THADA: variants seen among roughly 807,000 people sequenced by gnomAD.
The protein encoded by THADA is THADA armadillo repeat containing.
A neutral mutation model predicts 219.8 loss-of-function variants in THADA; 213 were observed. That is an observed-to-expected ratio of 0.97 (90% CI 0.87 to 1.09). The LOEUF (loss-of-function observed/expected upper bound fraction) is 1.09. THADA is among the 50% of genes least tolerant of loss of function. The probability of loss-of-function intolerance (pLI) is 0.00; values close to 1 mark genes in which losing one functional copy is unlikely to be tolerated. For missense variants in THADA, 2,956 were observed against 2,311.3 expected (o/e 1.28, Z -5.72); for synonymous variants, 1,018 against 828.9 (o/e 1.23, Z -3.92).
chr2:43,280,011 T>G (rs78297674), intron 35 of THADA, 115 bp from the exon 36 acceptor site: 3 of 1,013,858 alleles, frequency 3.0e-6, no homozygotes, highest in African/African-American at 1.7e-5. Flanking sequence ...CAGCTATCTC[T>G]TTTTTTCTGG....
rs982430081 is a variant in THADA, at chr2:43,319,606, G to A, written c.4438+840C>T. Among the ~76,000 whole-genome samples the A allele has an allele frequency of 1.4e-4, 22 of 152,202 alleles. No homozygotes were observed. The East Asian group carries it at 4.2e-3, about 29-fold the overall frequency. On this transcript the variant is annotated intron_variant, in intron 31 of 37. Transcript: ENST00000405975. ...AGAGCTGAACATTGACAGCCTGAATGTATTTACCGAAGACAACAAATCATT... is the reference window on the plus strand; with the variant it reads ...AGAGCTGAACATTGACAGCCTGAATATATTTACCGAAGACAACAAATCATT...
rs10211230 is a variant in THADA, at chr2:43,324,403, C to T, written c.4344-3863G>A. Among the ~76,000 whole-genome samples, 809 of 152,256 alleles carry T rather than the reference C, an allele frequency of 5.3e-3. 9 individuals are homozygous for T. The highest frequency in any genetic ancestry group is 0.019 in the African/African-American group (776 of 41,534). ...ATGTAGTCAACAAGATCATGGGAGG[C>T]TCCCTCAAATGCTGCTGCTTTGGAT... On this transcript the variant is annotated intron_variant, in intron 30 of 37. Transcript: ENST00000405975.
rs537692936 is a variant in THADA, at chr2:43,254,917, C to A, written c.5297-22035G>T. Among the ~76,000 whole-genome samples the A allele has an allele frequency of 2.0e-5, 3 of 152,182 alleles. No individual in the cohort carries two copies. In the South Asian group the frequency reaches 6.2e-4, roughly 32 times the overall value. On this transcript the variant is annotated intron_variant, in intron 36 of 37. Coordinates refer to ENST00000405975, the MANE Select transcript of THADA (RefSeq NM_022065.5). ...TGTCTCCTGCACTCTTTGGTCATCA[C>A]TTCCCAAAAAGTTTTTCTGGGGACA...
At chr2:43,439,222 T>C (rs1349282205) in intron 26 of THADA, among the ~76,000 whole-genome samples, 9 of 152,212 alleles carry the variant, frequency 5.9e-5, no homozygotes, top group African/African-American at 2.2e-4. Flanking sequence ...TCATAAGTTT[T>C]AAACTGAGTG....
chr2:43,371,395 T>C (rs1670787255), intron 29 of THADA, among the ~76,000 whole-genome samples: 1 of 152,170 alleles, frequency 6.6e-6, no homozygotes, highest in South Asian at 2.1e-4. Flanking sequence ...TTTGCAATGG[T>C]GGTTAAATGG....
intron 29 of THADA, among the ~76,000 whole-genome samples, chr2:43,356,132 C>T (rs886945988): frequency 3.3e-5 from 5 of 151,946 alleles, no homozygotes; most frequent in Admixed American, 3.3e-4. Flanking sequence ...AAATTCTGCA[C>T]GTGGAAGCTA....
At chr2:43,353,344 CTT>C (rs34859017) in intron 29 of THADA, among the ~76,000 whole-genome samples, 27,917 of 152,060 alleles carry the variant, frequency 0.18, 2,694 homozygotes, top group South Asian at 0.27. Context: ...ACGCTTATCT[CTT>C]GTTTTTTGAT....
intron 36 of THADA, among the ~76,000 whole-genome samples, chr2:43,262,999 A>G (rs1332176034): frequency 1.3e-5 from 2 of 152,176 alleles, no homozygotes; most frequent in Non-Finnish European, 2.9e-5. Context: ...TGGCTTCCAT[A>G]GAGAGCCAAG....
intron 13 of THADA, among the ~76,000 whole-genome samples, chr2:43,570,839 G>GATA (rs1553497537): frequency 1.4e-5 from 1 of 72,950 alleles, no homozygotes; most frequent in Non-Finnish European, 2.7e-5. Flanking sequence ...ATTTGATAAT[G>GATA]ATCTTTTGAG....
chr2:43,294,947 G>T (rs1675190896), intron 31 of THADA, among the ~76,000 whole-genome samples: 1 of 152,190 alleles, frequency 6.6e-6, no homozygotes, highest in Admixed American at 6.5e-5. Context: ...CTTCACACAT[G>T]TTCATCATCT....
chr2:43,581,699 C>T, intron 8 of THADA, 42 bp downstream of exon 8: 1 of 1,518,272 alleles, frequency 6.6e-7, no homozygotes, highest in Non-Finnish European at 9.0e-7. Context: ...TCAATTTTAA[C>T]TGTCAATTAT....
In THADA at chr2:43,579,714, T is replaced by C. The variant is rs72867068; in HGVS notation, c.722-1107A>G. 9.3e-3 allele frequency among the ~76,000 whole-genome samples: 1,419 copies of C among 152,334 alleles called. 25 individuals carry two copies. Among genetic ancestry groups the C allele is most frequent in the African/African-American group, 0.033 (1,354 of 41,568 alleles). ...TCCTGATCAAAAGTAAAGACGCAAC[T>C]GGCCTTCCTTCTTCCTGCCTTGAAT... On this transcript the variant is annotated intron_variant, in intron 8 of 37. Transcript: ENST00000405975.
chr2:43,589,325 G>C (rs941490947), intron 4 of THADA, among the ~76,000 whole-genome samples: 1 of 152,162 alleles, frequency 6.6e-6, no homozygotes, highest in Admixed American at 6.5e-5. Context: ...TGCTATAACA[G>C]GGATGAACCT....
chr2:43,438,380 A>G (rs1388885342), intron 26 of THADA, among the ~76,000 whole-genome samples: 3 of 152,072 alleles, frequency 2.0e-5, no homozygotes, highest in Admixed American at 2.0e-4. Context: ...TAAGTCTGAT[A>G]ATACCACGTA....
chr2:43,304,740 C>T (rs983082027), intron 31 of THADA, among the ~76,000 whole-genome samples: 2 of 149,970 alleles, frequency 1.3e-5, no homozygotes, highest in Non-Finnish European at 2.9e-5. Flanking sequence ...GGTGCAATCT[C>T]GGCTCACCGC....
At chr2:43,501,711 T>C (rs1469740784) in intron 24 of THADA, among the ~76,000 whole-genome samples, 1 of 151,792 alleles carries the variant, frequency 6.6e-6, no homozygotes, top group Non-Finnish European at 1.5e-5. Flanking sequence ...TGGGAGGCCT[T>C]AGCGGGCAGA....
intron 20 of THADA, among the ~76,000 whole-genome samples, chr2:43,546,849 T>C (rs1696097846): frequency 1.3e-5 from 2 of 152,378 alleles, no homozygotes; most frequent in South Asian, 2.1e-4. Flanking sequence ...TGTCTTTCAA[T>C]TGGAGCATTT....
At chr2:43,546,012 G>A (rs1327115555) in intron 20 of THADA, among the ~76,000 whole-genome samples, 2 of 150,682 alleles carry the variant, frequency 1.3e-5, no homozygotes, top group African/African-American at 4.9e-5. Context: ...TGGGCATTTA[G>A]TGCTACAAAT....
intron 21 of THADA, among the ~76,000 whole-genome samples, chr2:43,535,333 G>C (rs1024250117): frequency 6.6e-6 from 1 of 151,296 alleles, no homozygotes; most frequent in Non-Finnish European, 1.5e-5. Flanking sequence ...TTTTTAGTTT[G>C]ATATAATCCC....
Sources: allele counts gnomAD v4.1 joint callset (sites outside exome capture counted in the v4.1 genomes callset), GRCh38; gene constraint gnomAD v4.1.1; transcripts MANE v1.5; gene names NCBI Gene and HGNC (gene_info 2026-07-23, HGNC 2026-07-21).